The following DLGAP1 variants were observed in gnomAD, a reference collection of about 807,000 sequenced individuals.
DLGAP1 encodes DLG associated protein 1, also known as disks large-associated protein 1.
In DLGAP1, 11 loss-of-function variants were observed where a neutral mutation model predicts 90.8. The observed-to-expected ratio is 0.12, with a 90% CI of 0.08 to 0.20. The LOEUF is 0.20. Among genes scored for constraint, DLGAP1 ranks in the 10% least tolerant of loss-of-function variants. The pLI is 1.00. For missense variants in DLGAP1, 1,050 were observed against 1,333.8 expected (o/e 0.79, Z 3.31); for synonymous variants, 558 against 540.7 (o/e 1.03, Z -0.44).
chr18:4,081,264 G>T lies in DLGAP1; in HGVS notation c.-159+69916C>A, dbSNP rs1359451415. Among the ~76,000 whole-genome samples the T allele has an allele frequency of 2.0e-5, 3 of 150,530 alleles. No homozygotes were observed. In the South Asian group the frequency reaches 6.3e-4, roughly 32 times the overall value. Reference sequence around the variant, plus strand: ...CAGGCGGCGGAGGTTGTGGTGAGCCGAGATTGTGCCATTGCACTCCAGCCT... The same window carrying T: ...CAGGCGGCGGAGGTTGTGGTGAGCCTAGATTGTGCCATTGCACTCCAGCCT... On this transcript the variant is annotated intron_variant, in intron 2 of 12. Transcript: ENST00000315677.
At chr18:3,677,092 A>G (rs375175454) in intron 7 of DLGAP1, among the ~76,000 whole-genome samples, 1 of 152,042 alleles carries the variant, frequency 6.6e-6, no homozygotes, top group Non-Finnish European at 1.5e-5. Flanking sequence ...TGGGCTTTCT[A>G]TCCCATCCTC....
At chr18:3,929,197 T>G (rs2072461458) in intron 3 of DLGAP1, among the ~76,000 whole-genome samples, 1 of 152,210 alleles carries the variant, frequency 6.6e-6, no homozygotes, top group African/African-American at 2.4e-5. Flanking sequence ...AGTCACCTTT[T>G]TCTGTAATTT....
intron 7 of DLGAP1, among the ~76,000 whole-genome samples, chr18:3,685,232 GTGTCTTTCTC>G (rs1192958615): frequency 6.6e-6 from 1 of 152,144 alleles, no homozygotes; most frequent in Non-Finnish European, 1.5e-5. Flanking sequence ...ATGGAGCAAG[GTGTCTTTCTC>G]TAGTATTAAG....
At chr18:3,599,843 T>C (rs552621947) in intron 7 of DLGAP1, among the ~76,000 whole-genome samples, 1 of 152,096 alleles carries the variant, frequency 6.6e-6, no homozygotes, top group East Asian at 1.9e-4. Flanking sequence ...GGTCTCGATC[T>C]CTTGACCTTG....
chr18:4,167,903 T>C (rs1293317294), intron 1 of DLGAP1, among the ~76,000 whole-genome samples: 1 of 152,176 alleles, frequency 6.6e-6, no homozygotes, highest in Non-Finnish European at 1.5e-5. Context: ...AATCTGTATG[T>C]TGAACATTAT....
chr18:4,250,497 C>A (rs2145192447), intron 1 of DLGAP1, among the ~76,000 whole-genome samples: 1 of 152,282 alleles, frequency 6.6e-6, no homozygotes, highest in Middle Eastern at 3.4e-3. Context: ...CCATTTTATA[C>A]CTCGTGTTTC....
At chr18:3,659,394 T>TACACACACACACACACACAC (rs71366699) in intron 7 of DLGAP1, among the ~76,000 whole-genome samples, 1 of 102,126 alleles carries the variant, frequency 9.8e-6, no homozygotes, top group African/African-American at 4.8e-5. Context: ...CATACATTTA[T>TACACACACACACACACACAC]ACACACACAC....
chr18:4,009,925 G>A (rs1483098954), intron 2 of DLGAP1, among the ~76,000 whole-genome samples: 1 of 152,170 alleles, frequency 6.6e-6, no homozygotes, highest in Non-Finnish European at 1.5e-5. Context: ...AGGATTCTTA[G>A]ACTCCCATAT....
chr18:4,022,718 G>A (rs1472281721), intron 2 of DLGAP1, among the ~76,000 whole-genome samples: 3 of 152,054 alleles, frequency 2.0e-5, no homozygotes, highest in African/African-American at 7.2e-5. Flanking sequence ...TAGAATTGGT[G>A]GATTGTTGGG....
intron 1 of DLGAP1, among the ~76,000 whole-genome samples, chr18:4,421,727 G>C (rs991662099): frequency 6.6e-6 from 1 of 151,892 alleles, no homozygotes; most frequent in Non-Finnish European, 1.5e-5. Context: ...TATTTTTTGG[G>C]GGATGGAGTC....
chr18:4,035,123 T>C (rs983595907), intron 2 of DLGAP1, among the ~76,000 whole-genome samples: 4 of 152,234 alleles, frequency 2.6e-5, no homozygotes, highest in African/African-American at 9.6e-5. Context: ...TTGTGAATAG[T>C]GCCGCAATAA....
intron 1 of DLGAP1, among the ~76,000 whole-genome samples, chr18:4,199,238 G>T (rs1004289068): frequency 1.3e-5 from 2 of 152,212 alleles, no homozygotes; most frequent in Admixed American, 6.5e-5. Context: ...TCCCACTCAT[G>T]CTGGTTGTAA....
At chr18:4,174,420 C>T (rs944506019) in intron 1 of DLGAP1, among the ~76,000 whole-genome samples, 4 of 151,684 alleles carry the variant, frequency 2.6e-5, no homozygotes, top group Non-Finnish European at 5.9e-5. Context: ...CTGCAACCTC[C>T]GCCCCCCGGG....
intron 7 of DLGAP1, among the ~76,000 whole-genome samples, chr18:3,646,248 G>C (rs1266844716): frequency 6.6e-6 from 1 of 152,044 alleles, no homozygotes; most frequent in Non-Finnish European, 1.5e-5. Context: ...TAAAAAGTTA[G>C]CCGAGCGTGA....
intron 4 of DLGAP1, among the ~76,000 whole-genome samples, chr18:3,843,724 C>G (rs2148648985): frequency 1.3e-5 from 2 of 152,286 alleles, no homozygotes; most frequent in South Asian, 2.1e-4. Context: ...TTTACAAAGA[C>G]AGAATAGCCA....
chr18:4,120,366 T>A (rs537423032), intron 2 of DLGAP1, among the ~76,000 whole-genome samples: 1 of 152,288 alleles, frequency 6.6e-6, no homozygotes, highest in East Asian at 1.9e-4. Context: ...TCAGACAACA[T>A]GAGTTCTGTA....
At chr18:3,874,164 C>T (rs2070920042) in intron 4 of DLGAP1, 1 of 1,549,962 alleles carries the variant, frequency 6.5e-7, no homozygotes, top group African/African-American at 1.4e-5. Flanking sequence ...CTGGTCAGTC[C>T]TTCCATTTCT....
At chr18:4,145,327 A>G (rs2076566883) in intron 2 of DLGAP1, among the ~76,000 whole-genome samples, 1 of 152,204 alleles carries the variant, frequency 6.6e-6, no homozygotes, top group Non-Finnish European at 1.5e-5. Flanking sequence ...TTAGTTTCTA[A>G]ATTATTTCTG....
chr18:3,961,628 C>A lies in DLGAP1; in HGVS notation c.-73+43488G>T, dbSNP rs139603474. ...CCCTCCTCCCAGCAAAACCTCACTC[C>A]TTGGCCATCCTTCATCCAAGGAGGG... On this transcript the variant is annotated intron_variant, in intron 3 of 12. Transcript: ENST00000315677. Among the ~76,000 whole-genome samples the A allele has an allele frequency of 5.2e-3, 799 of 152,322 alleles. 8 individuals carry two copies. The highest frequency in any genetic ancestry group is 0.019 in the African/African-American group (771 of 41,574).
Sources: allele counts gnomAD v4.1 joint callset (sites outside exome capture counted in the v4.1 genomes callset), GRCh38; gene constraint gnomAD v4.1.1; transcripts MANE v1.5; gene names NCBI Gene and HGNC (gene_info 2026-07-23, HGNC 2026-07-21).